PIEZO2: variants seen among roughly 807,000 people sequenced by gnomAD.
PIEZO2 encodes piezo-type mechanosensitive ion channel component 2.
PIEZO2 carries 172 observed loss-of-function variants against 337.3 expected under a neutral mutation model. The observed-to-expected ratio is 0.51, with a 90% CI of 0.45 to 0.58. The LOEUF (loss-of-function observed/expected upper bound fraction) is 0.58. Among genes scored for constraint, PIEZO2 ranks in the 20% least tolerant of loss-of-function variants. The pLI is 0.00. For missense variants in PIEZO2, 3,028 were observed against 3,391.3 expected (o/e 0.89, Z 2.66); for synonymous variants, 1,251 against 1,228.5 (o/e 1.02, Z -0.38).
In PIEZO2 at chr18:10,879,391, C is replaced by CTTTT. The variant is rs11385433; in HGVS notation, c.330-7980_330-7977dup. On this transcript the variant is annotated intron_variant, in intron 4 of 55. Transcript: ENST00000674853. Reference sequence around the variant, plus strand: ...AACAGGCAAAAGAGTCCTTTCCAATCTTTTTTTTTTTTTTTTTTTTTTGAG... The same window carrying CTTTT: ...AACAGGCAAAAGAGTCCTTTCCAATCTTTTTTTTTTTTTTTTTTTTTTTTTTGAG... 1.6e-3 allele frequency among the ~76,000 whole-genome samples: 173 copies of CTTTT among 105,982 alleles called. 1 individual carries two copies. Among genetic ancestry groups the CTTTT allele is most frequent in the African/African-American group, 3.9e-3 (101 of 26,032 alleles). The allele number at this position is 105,982 out of a possible 152,430, so 69.5% of individuals were successfully genotyped here.
Position 11,105,095 on chromosome 18 carries a change from C to G in PIEZO2, c.65-38873G>C, listed in dbSNP as rs1363814250. 6.6e-6 allele frequency among the ~76,000 whole-genome samples: 1 copy of G among 152,206 alleles called. No homozygotes were observed. Among genetic ancestry groups the G allele is most frequent in the African/African-American group, 2.4e-5 (1 of 41,462 alleles). ...AGCTTGACTAAGCACGACACCACCA[C>G]AGAAGAAAACATAGCCAAGAAATGG... On this transcript the variant is annotated intron_variant, in intron 1 of 55. Transcript: ENST00000674853. This position sits in a 1 kb window ranked among gnomAD's most constrained non-coding sequence, Gnocchi z 4.3.
At chr18:10,711,611 G>A (rs956712769) in intron 39 of PIEZO2, among the ~76,000 whole-genome samples, 5 of 106,244 alleles carry the variant, frequency 4.7e-5, no homozygotes, top group Non-Finnish European at 8.8e-5. Flanking sequence ...GGGGATTCAG[G>A]TAACAAAAAA....
intron 4 of PIEZO2, among the ~76,000 whole-genome samples, chr18:10,892,564 G>T (rs2042786942): frequency 6.6e-6 from 1 of 152,024 alleles, no homozygotes; most frequent in South Asian, 2.1e-4. Flanking sequence ...GTGGTTAAAT[G>T]ATTGTGTATA....
intron 3 of PIEZO2, among the ~76,000 whole-genome samples, chr18:10,912,133 T>C (rs1216158596): frequency 6.6e-6 from 1 of 152,070 alleles, no homozygotes; most frequent in Non-Finnish European, 1.5e-5. Flanking sequence ...GAACAGTATA[T>C]CCAAATCCAT....
At chr18:10,779,771 C>T (rs2038914723) in intron 18 of PIEZO2, among the ~76,000 whole-genome samples, 1 of 152,084 alleles carries the variant, frequency 6.6e-6, no homozygotes, top group African/African-American at 2.4e-5. Flanking sequence ...ATGGGGACAT[C>T]TTGGTGAATC....
chr18:10,900,173 T>A (rs964319885), intron 4 of PIEZO2, among the ~76,000 whole-genome samples: 130 of 97,266 alleles, frequency 1.3e-3, no homozygotes, highest in African/African-American at 5.2e-3. Flanking sequence ...ATCACTTACT[T>A]TTGTTACACA....
chr18:11,042,448 T>G (rs1365881487), intron 2 of PIEZO2, among the ~76,000 whole-genome samples: 1 of 152,232 alleles, frequency 6.6e-6, no homozygotes, highest in African/African-American at 2.4e-5. Context: ...AAGAGGAAGT[T>G]TGACTACTTC....
intron 37 of PIEZO2, 123 bp downstream of exon 37, chr18:10,718,077 T>C: frequency 1.2e-6 from 1 of 835,240 alleles, no homozygotes; most frequent in Non-Finnish European, 1.9e-6. Flanking sequence ...TACTGATTAT[T>C]TACTCATAGT....
At chr18:10,823,567 G>A (rs953056920) in intron 7 of PIEZO2, among the ~76,000 whole-genome samples, 19 of 152,074 alleles carry the variant, frequency 1.2e-4, no homozygotes, top group African/African-American at 4.3e-4. Flanking sequence ...TTTCATTCAC[G>A]CATCCTCAAA....
chr18:10,728,757 C>T (rs2036639130), intron 36 of PIEZO2, among the ~76,000 whole-genome samples: 1 of 151,698 alleles, frequency 6.6e-6, no homozygotes, highest in African/African-American at 2.4e-5. Context: ...AGATCGAGAC[C>T]ATCCTGGCTA....
intron 1 of PIEZO2, among the ~76,000 whole-genome samples, chr18:11,122,727 T>G (rs1204716534): frequency 6.6e-6 from 1 of 152,190 alleles, no homozygotes; most frequent in African/African-American, 2.4e-5. Flanking sequence ...GATTTATCTA[T>G]AAGACACTTG....
chr18:10,846,154 G>C lies in PIEZO2; in HGVS notation c.917+9199C>G, dbSNP rs1353640121. Among the ~76,000 whole-genome samples the C allele has an allele frequency of 6.6e-6, 1 of 152,176 alleles. No homozygotes were observed. Among genetic ancestry groups the C allele is most frequent in the Admixed American group, 6.5e-5 (1 of 15,282 alleles). On this transcript the variant is annotated intron_variant, in intron 7 of 55. Coordinates refer to ENST00000674853, the MANE Select transcript of PIEZO2 (RefSeq NM_001378183.1). The surrounding 1 kb of genome is among the most constrained non-coding windows in gnomAD (Gnocchi z 4.1). Reference sequence around the variant, plus strand: ...ACCCAAGACTTGGCAATTTACAAAAGAATGAGGTTTATTGGACTTACAGTT... The same window carrying C: ...ACCCAAGACTTGGCAATTTACAAAACAATGAGGTTTATTGGACTTACAGTT...
At chr18:10,800,223 A>G (rs1420458641) in intron 11 of PIEZO2, 114 bp downstream of exon 11, 2 of 1,375,420 alleles carry the variant, frequency 1.5e-6, no homozygotes, top group African/African-American at 3.0e-5. Context: ...GGTTAATGAC[A>G]CTGACATGGA....
chr18:11,057,060 T>C (rs115914824), intron 2 of PIEZO2, among the ~76,000 whole-genome samples: 406 of 152,028 alleles, frequency 2.7e-3, no homozygotes, highest in African/African-American at 9.6e-3. Flanking sequence ...TGTTCACAGC[T>C]GATGGACACA....
rs1252323101 is a variant in PIEZO2, at chr18:10,676,890, T to C, written c.8081+857A>G. Among the ~76,000 whole-genome samples, 1 of 152,134 alleles carries C rather than the reference T, an allele frequency of 6.6e-6. No homozygotes were observed. The highest frequency in any genetic ancestry group is 1.5e-5 in the Non-Finnish European group (1 of 68,020). ...ATGTCCCATTCCTGAATAGGGCCCT[T>C]GGAGGCACCAATAGCCCAGTACCCC... On this transcript the variant is annotated intron_variant, in intron 53 of 55. Coordinates refer to ENST00000674853, the MANE Select transcript of PIEZO2 (RefSeq NM_001378183.1). The surrounding 1 kb of genome is among the most constrained non-coding windows in gnomAD (Gnocchi z 5.1).
rs2038290524 is a variant in PIEZO2, at chr18:11,070,254, C to T, written c.65-4032G>A. On this transcript the variant is annotated intron_variant, in intron 1 of 55. Coordinates refer to ENST00000674853, the MANE Select transcript of PIEZO2 (RefSeq NM_001378183.1). This position sits in a 1 kb window ranked among gnomAD's most constrained non-coding sequence, Gnocchi z 4.3. ...AATGGTAAGGATTTATGTATCTAAA[C>T]ATATCTAAATACAGAAAAAGTACAG... 6.6e-6 allele frequency among the ~76,000 whole-genome samples: 1 copy of T among 152,224 alleles called. No individual in the cohort carries two copies. Among genetic ancestry groups the T allele is most frequent in the East Asian group, 1.9e-4 (1 of 5,180 alleles).
rs1304803255 is a variant in PIEZO2, at chr18:11,080,768, C to A, written c.65-14546G>T. ...CTGAGGCAGGAGAATCGCTTGAACTCGGGAGGCGGAGGTCACGGTGAGCCA... is the reference window on the plus strand; with the variant it reads ...CTGAGGCAGGAGAATCGCTTGAACTAGGGAGGCGGAGGTCACGGTGAGCCA... On this transcript the variant is annotated intron_variant, in intron 1 of 55. Coordinates refer to ENST00000674853, the MANE Select transcript of PIEZO2 (RefSeq NM_001378183.1). The surrounding 1 kb of genome is among the most constrained non-coding windows in gnomAD (Gnocchi z 5.4). 6.6e-6 allele frequency among the ~76,000 whole-genome samples: 1 copy of A among 152,240 alleles called. No homozygotes were observed. Among genetic ancestry groups the A allele is most frequent in the Non-Finnish European group, 1.5e-5 (1 of 68,020 alleles).
Position 10,846,332 on chromosome 18 carries a change from A to G in PIEZO2, c.917+9021T>C, listed in dbSNP as rs1456339319. Among the ~76,000 whole-genome samples the G allele has an allele frequency of 6.6e-6, 1 of 152,236 alleles. No homozygotes were observed. The highest frequency in any genetic ancestry group is 1.5e-5 in the Non-Finnish European group (1 of 68,048). On this transcript the variant is annotated intron_variant, in intron 7 of 55. Coordinates refer to ENST00000674853, the MANE Select transcript of PIEZO2 (RefSeq NM_001378183.1). The surrounding 1 kb of genome is among the most constrained non-coding windows in gnomAD (Gnocchi z 4.1). Reference sequence around the variant, plus strand: ...TTTGTGAGACTCATTCACTATCACCAGAACAACACAGGAAAGACCTGCCCC... The same window carrying G: ...TTTGTGAGACTCATTCACTATCACCGGAACAACACAGGAAAGACCTGCCCC...
chr18:10,782,251 ATAT>A (rs1241115970), intron 17 of PIEZO2, among the ~76,000 whole-genome samples: 2 of 114,028 alleles, frequency 1.8e-5, no homozygotes, highest in Admixed American at 2.5e-4. Context: ...ATTATATGAT[ATAT>A]TATATTATTA....
Sources: allele counts gnomAD v4.1 joint callset (sites outside exome capture counted in the v4.1 genomes callset), GRCh38; gene constraint gnomAD v4.1.1; non-coding constraint Gnocchi (gnomAD v3.1); transcripts MANE v1.5; gene names NCBI Gene and HGNC (gene_info 2026-07-23, HGNC 2026-07-21).